Variants in FAM20B observed in about 807,000 individuals in gnomAD.
FAM20B encodes glycosaminoglycan xylosylkinase.
A neutral mutation model predicts 43.8 loss-of-function variants in FAM20B; 23 were observed. The observed-to-expected ratio is 0.53, with a 90% CI of 0.38 to 0.74. FAM20B has a LOEUF of 0.74. Ranked by LOEUF, FAM20B falls within the 30% of genes least tolerant of loss-of-function variation. The probability of loss-of-function intolerance (pLI) is 0.00; values close to 1 mark genes in which losing one functional copy is unlikely to be tolerated. For synonymous variants in FAM20B, 178 were observed against 192.4 expected (o/e 0.93, Z 0.62); for missense variants, 440 against 510.5 (o/e 0.86, Z 1.33).
rs1393310182 is a variant in FAM20B, at chr1:179,074,912, C to T, written c.*2768C>T. 2.0e-5 allele frequency: 3 copies of T among 152,148 alleles called. No homozygotes were observed. Among genetic ancestry groups the T allele is most frequent in the Non-Finnish European group, 2.9e-5 (2 of 68,020 alleles). 9.4% of individuals were successfully genotyped at this position (152,148 alleles called of 1,614,324 possible). The stretch of plus-strand genomic sequence containing the variant: ...ACTGTTTGAAAGAAGAGGTGGGGGC[C>T]GGGTGCCGTGGCTCATGCCTGTCAT... On this transcript the variant is annotated 3_prime_UTR_variant, in exon 8 of 8. Transcript: ENST00000263733.
At chr1:179,051,603 A>G (rs986335822) in intron 3 of FAM20B, among the ~76,000 whole-genome samples, 1 of 152,144 alleles carries the variant, frequency 6.6e-6, no homozygotes, top group Non-Finnish European at 1.5e-5. Flanking sequence ...CTCCAGCCTG[A>G]GCAACAGAGT....
chr1:179,044,313 T>G, intron 2 of FAM20B, 89 bp downstream of exon 2: 1 of 1,427,302 alleles, frequency 7.0e-7, no homozygotes, highest in Non-Finnish European at 9.4e-7. Context: ...CATCTTCTCT[T>G]GGAAGTCTCT....
intron 1 of FAM20B, among the ~76,000 whole-genome samples, chr1:179,030,551 G>A (rs1405096029): frequency 6.6e-6 from 1 of 152,148 alleles, no homozygotes; most frequent in Admixed American, 6.6e-5. Flanking sequence ...TACAGAAGGT[G>A]GCAACTTTAA....
chr1:179,054,697 A>T, intron 4 of FAM20B, 59 bp downstream of exon 4: 1 of 1,047,710 alleles, frequency 9.5e-7, no homozygotes, highest in South Asian at 1.4e-5. Flanking sequence ...AAAATGGGGC[A>T]TTGTTGAGCA....
At chr1:179,070,829 C>T (rs1034779872) in intron 7 of FAM20B, among the ~76,000 whole-genome samples, 6 of 151,718 alleles carry the variant, frequency 4.0e-5, no homozygotes, top group Non-Finnish European at 4.4e-5. Context: ...TTGAACTTGC[C>T]TTTTAATAAC....
chr1:179,039,949 G>T (rs1481111907), intron 1 of FAM20B, among the ~76,000 whole-genome samples: 1 of 152,098 alleles, frequency 6.6e-6, no homozygotes, highest in African/African-American at 2.4e-5. Flanking sequence ...CGAGCATGCT[G>T]CCTTCAAACA....
At chr1:179,024,310 T>C (rs1487448995), upstream of FAM20B, among the ~76,000 whole-genome samples, 1 of 152,198 alleles carries the variant, frequency 6.6e-6, no homozygotes, top group Non-Finnish European at 1.5e-5. Flanking sequence ...AAGCTGGCCT[T>C]TTCCTGAACA....
rs1652089468 is a variant in FAM20B, at chr1:179,075,399, C to T, written c.*3255C>T. The T allele has an allele frequency of 6.6e-6, 1 of 152,116 alleles. No individual in the cohort carries two copies. Among genetic ancestry groups the T allele is most frequent in the Non-Finnish European group, 1.5e-5 (1 of 68,010 alleles). The allele number at this position is 152,116 out of a possible 1,614,324, so 9.4% of individuals were successfully genotyped here. The stretch of plus-strand genomic sequence containing the variant: ...ATCAGAACTCATGGCCATTTCCTGC[C>T]CTCCTCCAACTTGTTAAAACATGTT... On this transcript the variant is annotated 3_prime_UTR_variant, in exon 8 of 8. Transcript: ENST00000263733.
rs1652136850 is a variant in FAM20B at position 179,076,567 on chromosome 1, A to G, written c.*4423A>G. Reference sequence around the variant, plus strand: ...TGAATAAAGATTTTAATAAATATTGATATCTGATCTTTTCCTCTTCTTTCC... The same window carrying G: ...TGAATAAAGATTTTAATAAATATTGGTATCTGATCTTTTCCTCTTCTTTCC... On this transcript the variant is annotated 3_prime_UTR_variant, in exon 8 of 8. Coordinates refer to ENST00000263733, the MANE Select transcript of FAM20B (RefSeq NM_014864.4). 1 of 152,494 alleles carries G rather than the reference A, an allele frequency of 6.6e-6. No homozygotes were observed. Among genetic ancestry groups the G allele is most frequent in the African/African-American group, 2.4e-5 (1 of 41,396 alleles). The allele number at this position is 152,494 out of a possible 1,614,324, so 9.4% of individuals were successfully genotyped here.
intron 1 of FAM20B, among the ~76,000 whole-genome samples, chr1:179,040,015 C>T (rs1442475774): frequency 6.6e-6 from 1 of 152,214 alleles, no homozygotes; most frequent in East Asian, 1.9e-4. Flanking sequence ...CCTGAGTGGA[C>T]ACAGCACATG....
chr1:179,050,233 C>T (rs757437703), intron 2 of FAM20B, 46 bp from the exon 3 acceptor site: 2 of 1,339,796 alleles, frequency 1.5e-6, no homozygotes, highest in Admixed American at 1.7e-5. Context: ...TCACCTGTTA[C>T]TGGTGTAATC....
the FAM20B span, among the ~76,000 whole-genome samples, chr1:179,019,906 T>C: frequency 2.0e-5 from 3 of 152,336 alleles, no homozygotes; most frequent in East Asian, 5.8e-4. Flanking sequence ...TCTCCCTGCC[T>C]ACATGCCATG....
In FAM20B at chr1:179,073,562, A is replaced by T. The variant is rs1171683080; in HGVS notation, c.*1418A>T. 6.6e-6 allele frequency: 1 copy of T among 152,126 alleles called. No individual in the cohort carries two copies. Among genetic ancestry groups the T allele is most frequent in the African/African-American group, 2.4e-5 (1 of 41,424 alleles). 9.4% of individuals were successfully genotyped at this position (152,126 alleles called of 1,614,324 possible). ...GATCTTGGACTCCTGACCCCAGGTG[A>T]TCCACCTGCCTCAGCCTTCCAAAGT... On this transcript the variant is annotated 3_prime_UTR_variant, in exon 8 of 8. Transcript: ENST00000263733.
Position 179,054,587 on chromosome 1 carries a change from G to C in FAM20B, c.523G>C (p.Glu175Gln). 1 of 1,613,300 alleles carries C rather than the reference G, an allele frequency of 6.2e-7. No homozygotes were observed. Among genetic ancestry groups the C allele is most frequent in the South Asian group, 1.1e-5 (1 of 91,016 alleles). The stretch of plus-strand genomic sequence containing the variant: ...TGGCAGATTTGTTAATCTTCGGACA[G>C]AGATCAAACCTGTCGCCACAGAGCA... ...VVGRFVNLRT[E>Q]IKPVATEQLL... The change falls in exon 4 of 8, where the codon GAG becomes CAG. Residue 175 changes from glutamate (E) to glutamine (Q), a missense_variant. Coordinates refer to ENST00000263733, the MANE Select transcript of FAM20B (RefSeq NM_014864.4).
chr1:179,040,234 A>G lies in FAM20B; in HGVS notation c.-133-3481A>G, dbSNP rs535084842. On this transcript the variant is annotated intron_variant, in intron 1 of 7. Transcript: ENST00000263733. ...GCCACTGTCATCATGGCCCGTTCCC[A>G]GTGAGCCGTTGGGCACACCTCCCAG... Among the ~76,000 whole-genome samples, 475 of 152,084 alleles carry G rather than the reference A, an allele frequency of 3.1e-3. 1 individual carries two copies. The highest frequency in any genetic ancestry group is 4.9e-3 in the Non-Finnish European group (334 of 67,950).
rs1044114099 is a variant in FAM20B, at chr1:179,073,017, T to C, written c.*873T>C. On this transcript the variant is annotated 3_prime_UTR_variant, in exon 8 of 8. Coordinates refer to ENST00000263733, the MANE Select transcript of FAM20B (RefSeq NM_014864.4). ...TTTTTTCCCCTTTTGCCAAAAGCAGTCCTTCCCAAATTAACAAAGCAAACT... is the reference window on the plus strand; with the variant it reads ...TTTTTTCCCCTTTTGCCAAAAGCAGCCCTTCCCAAATTAACAAAGCAAACT... 6.6e-6 allele frequency: 1 copy of C among 152,206 alleles called. No homozygotes were observed. The highest frequency in any genetic ancestry group is 1.5e-5 in the Non-Finnish European group (1 of 68,030). The allele number at this position is 152,206 out of a possible 1,614,324, so 9.4% of individuals were successfully genotyped here.
intron 1 of FAM20B, among the ~76,000 whole-genome samples, chr1:179,026,386 G>C (rs61823786): frequency 0.71 from 108,446 of 151,766 alleles, 40,176 homozygotes; most frequent in African/African-American, 0.91. Context: ...CGGCCGCCAC[G>C]TCCCTGGCCC....
intron 1 of FAM20B, among the ~76,000 whole-genome samples, chr1:179,043,360 G>A (rs556802542): frequency 6.6e-6 from 1 of 152,338 alleles, no homozygotes; most frequent in East Asian, 1.9e-4. Context: ...GCCTGTGGGT[G>A]TAGCTGTGGC....
the FAM20B span, among the ~76,000 whole-genome samples, chr1:179,019,153 C>T: frequency 6.6e-6 from 1 of 152,222 alleles, no homozygotes; most frequent in Admixed American, 6.5e-5. Context: ...CAGAAACACC[C>T]TAACAGATAT....
Sources: allele counts gnomAD v4.1 joint callset (sites outside exome capture counted in the v4.1 genomes callset), GRCh38; gene constraint gnomAD v4.1.1; transcripts MANE v1.5; gene names NCBI Gene and HGNC (gene_info 2026-07-23, HGNC 2026-07-21).